Variants in UBE2F observed in about 807,000 individuals in gnomAD.
UBE2F encodes the protein ubiquitin conjugating enzyme E2 F (putative).
In UBE2F, 5 loss-of-function variants were observed where a neutral mutation model predicts 29.6. That is an observed-to-expected ratio of 0.17 (90% confidence interval 0.09 to 0.36). UBE2F has a LOEUF of 0.36. UBE2F is among the 10% of genes least tolerant of loss of function. UBE2F has a pLI of 1.00. For synonymous variants in UBE2F, 66 were observed against 81.8 expected (o/e 0.81, Z 1.04); for missense variants, 141 against 228.5 (o/e 0.62, Z 2.47).
intron 5 of UBE2F, among the ~76,000 whole-genome samples, 186 bp downstream of exon 5, chr2:238,016,819 TC>T (rs35692652): frequency 0.86 from 130,608 of 152,108 alleles, 56,231 homozygotes; most frequent in East Asian, 0.97. Context: ...AGTAGAGAAT[TC>T]CGTTTATTCA....
At chr2:238,003,513 C>A (rs549107210) in intron 4 of UBE2F, 1 of 421,198 alleles carries the variant, frequency 2.4e-6, no homozygotes, top group Non-Finnish European at 5.0e-6. Context: ...TCGTGGGATG[C>A]TCAGGCTTCC....
At chr2:237,999,597 A>T (rs886239520) in intron 4 of UBE2F, among the ~76,000 whole-genome samples, 2 of 152,280 alleles carry the variant, frequency 1.3e-5, no homozygotes, top group Middle Eastern at 3.4e-3. Context: ...ATCTATCTAG[A>T]TATCCAGCTG....
At chr2:237,977,138 C>A (rs1450888806) in intron 2 of UBE2F, among the ~76,000 whole-genome samples, 1 of 152,044 alleles carries the variant, frequency 6.6e-6, no homozygotes, top group African/African-American at 2.4e-5. Context: ...CCCTCCAGCT[C>A]CAAGGAAGGA....
intron 5 of UBE2F, among the ~76,000 whole-genome samples, chr2:238,022,549 G>A (rs879499948): frequency 6.6e-6 from 1 of 152,040 alleles, no homozygotes; most frequent in African/African-American, 2.4e-5. Flanking sequence ...CTTGAGTTTT[G>A]TATGTTATGA....
intron 4 of UBE2F, among the ~76,000 whole-genome samples, chr2:238,012,075 G>C (rs1559218046): frequency 6.6e-6 from 1 of 150,490 alleles, no homozygotes; most frequent in Admixed American, 6.6e-5. Context: ...GTGGAGATGG[G>C]GTTTTGCCAT....
chr2:237,973,718 G>A lies in UBE2F; in HGVS notation c.118+493G>A, dbSNP rs1480200394. On this transcript the variant is annotated intron_variant, in intron 2 of 9. Coordinates refer to ENST00000272930, the MANE Select transcript of UBE2F (RefSeq NM_080678.3). ...GGAATTAATAACATATAGTGTTCTA[G>A]AGTTTTCGTGACTTCTGCTATCCAT... 3.1e-6 allele frequency: 4 copies of A among 1,284,418 alleles called. No individual in the cohort carries two copies. In the African/African-American group the frequency reaches 4.6e-5, roughly 15 times the overall value. The allele number at this position is 1,284,418 out of a possible 1,614,324, so 79.6% of individuals were successfully genotyped here. A position where few individuals can be genotyped will look rare whatever the true frequency, so the allele number is the denominator to read the frequency against.
chr2:238,008,438 G>A (rs903764399), intron 4 of UBE2F, among the ~76,000 whole-genome samples: 1 of 152,150 alleles, frequency 6.6e-6, no homozygotes, highest in East Asian at 1.9e-4. Context: ...CATATCATCT[G>A]CATTTTTCAA....
intron 4 of UBE2F, among the ~76,000 whole-genome samples, chr2:238,009,092 T>C (rs1340198155): frequency 6.6e-6 from 1 of 152,266 alleles, no homozygotes; most frequent in African/African-American, 2.4e-5. Flanking sequence ...CCTTACAAGT[T>C]AGTGGTGATT....
chr2:237,994,314 G>A (rs1196370626), intron 3 of UBE2F, among the ~76,000 whole-genome samples: 1 of 152,130 alleles, frequency 6.6e-6, no homozygotes, highest in African/African-American at 2.4e-5. Context: ...TTACCATGGT[G>A]ACTGAATGTC....
chr2:238,037,145 C>G (rs2064730389), intron 9 of UBE2F, among the ~76,000 whole-genome samples: 1 of 152,096 alleles, frequency 6.6e-6, no homozygotes, highest in African/African-American at 2.4e-5. Flanking sequence ...CATAAATGAT[C>G]AGTCATTCAT....
chr2:237,973,406 A>G (rs2063213584), intron 2 of UBE2F, among the ~76,000 whole-genome samples, 181 bp downstream of exon 2: 1 of 152,242 alleles, frequency 6.6e-6, no homozygotes. Context: ...ATATGAGCAC[A>G]CTGTTGCAAG....
At chr2:238,013,466 C>A (rs947977496) in intron 4 of UBE2F, among the ~76,000 whole-genome samples, 1 of 151,716 alleles carries the variant, frequency 6.6e-6, no homozygotes, top group African/African-American at 2.4e-5. Context: ...ACAGTTCATT[C>A]TAGTACAGGG....
chr2:238,041,538 GA>G lies in UBE2F; in HGVS notation c.*204del. ...GGAGAATTCAACATAAATACAGCAAGAAAATGTGTTTGGGCTTCTGAAGAGT... is the reference window on the plus strand; with the variant it reads ...GGAGAATTCAACATAAATACAGCAAGAAATGTGTTTGGGCTTCTGAAGAGT... On this transcript the variant is annotated 3_prime_UTR_variant, in exon 10 of 10. Coordinates refer to ENST00000272930, the MANE Select transcript of UBE2F (RefSeq NM_080678.3). The G allele has an allele frequency of 1.8e-6, 1 of 551,194 alleles. No individual in the cohort carries two copies. 34.1% of individuals were successfully genotyped at this position (551,194 alleles called of 1,614,324 possible).
intron 2 of UBE2F, among the ~76,000 whole-genome samples, chr2:237,987,247 GGT>G (rs2063496763): frequency 6.6e-6 from 1 of 152,000 alleles, no homozygotes; most frequent in East Asian, 1.9e-4. Flanking sequence ...TTCTAAAGTG[GGT>G]GTGTGTGTGG....
intron 2 of UBE2F, among the ~76,000 whole-genome samples, chr2:237,979,075 C>T (rs1323396611): frequency 2.0e-5 from 3 of 152,224 alleles, no homozygotes; most frequent in African/African-American, 7.2e-5. Context: ...TCCAGGAGGT[C>T]TGACAGGACC....
chr2:238,041,312 GACT>G lies in UBE2F; in HGVS notation c.535_537del (p.Tyr179del). 6.2e-7 allele frequency: 1 copy of G among 1,613,944 alleles called. No individual in the cohort carries two copies. ...GGAGGACTTCCGGAATAAAGTGGAT[GACT>G]ACATCAAACGTTATGCCAGATGATA... On this transcript the variant is annotated inframe_deletion, in exon 10 of 10. Coordinates refer to ENST00000272930, the MANE Select transcript of UBE2F (RefSeq NM_080678.3).
intron 2 of UBE2F, among the ~76,000 whole-genome samples, chr2:237,981,785 C>G (rs185052746): frequency 1.6e-4 from 25 of 152,058 alleles, no homozygotes; most frequent in African/African-American, 6.0e-4. Flanking sequence ...TGCCACCATG[C>G]CTGGCTAATT....
chr2:238,026,872 G>C (rs181915705), intron 6 of UBE2F, among the ~76,000 whole-genome samples: 4 of 152,288 alleles, frequency 2.6e-5, no homozygotes, highest in Admixed American at 2.6e-4. Flanking sequence ...TTTTAAAAAA[G>C]CATCTTCCCT....
Position 237,982,338 on chromosome 2 carries a change from C to T in UBE2F, c.119-5625C>T, listed in dbSNP as rs554020902. 9.2e-5 allele frequency among the ~76,000 whole-genome samples: 14 copies of T among 152,316 alleles called. 1 individual carries two copies. The East Asian group carries it at 2.7e-3, about 29-fold the overall frequency. On this transcript the variant is annotated intron_variant, in intron 2 of 9. Transcript: ENST00000272930. This position sits in a 1 kb window ranked among gnomAD's most constrained non-coding sequence, Gnocchi z 4.1. ...TTCCCACTCCTCCGCCCTACCACAT[C>T]ACAGTCTTAGCACTGGTCAGTGGCC... is the stretch of plus-strand genomic sequence containing the variant.
Sources: allele counts gnomAD v4.1 joint callset (sites outside exome capture counted in the v4.1 genomes callset), GRCh38; gene constraint gnomAD v4.1.1; non-coding constraint Gnocchi (gnomAD v3.1); transcripts MANE v1.5; gene names NCBI Gene and HGNC (gene_info 2026-07-23, HGNC 2026-07-21).